LARGE1: variants seen among roughly 807,000 people sequenced by gnomAD.
LARGE1 encodes the protein LARGE xylosyl- and glucuronyltransferase 1, also known as xylosyl- and glucuronyltransferase LARGE1.
A neutral mutation model predicts 87.6 loss-of-function variants in LARGE1; 43 were observed. The ratio of observed to expected loss-of-function variants is 0.49; its 90% CI spans 0.38 to 0.63. The LOEUF is 0.63. Ranked by LOEUF, LARGE1 falls within the 30% of genes least tolerant of loss-of-function variation. The probability of loss-of-function intolerance (pLI) is 0.00; values close to 1 mark genes in which losing one functional copy is unlikely to be tolerated. For missense variants in LARGE1, 802 were observed against 1,000.2 expected (o/e 0.80, Z 2.67); for synonymous variants, 434 against 394.6 (o/e 1.10, Z -1.18).
intron 10 of LARGE1, among the ~76,000 whole-genome samples, chr22:33,329,817 G>A (rs1169967729): frequency 6.6e-6 from 1 of 152,022 alleles, no homozygotes; most frequent in Admixed American, 6.5e-5. Flanking sequence ...TCCTTTAGTT[G>A]GAAATTCCCT....
chr22:33,319,314 G>A (rs1227883751), intron 10 of LARGE1, among the ~76,000 whole-genome samples: 2 of 152,180 alleles, frequency 1.3e-5, no homozygotes, highest in African/African-American at 4.8e-5. Flanking sequence ...TAGCTTGCTG[G>A]AAGATGAGAC....
chr22:33,529,103 T>C (rs2072065102), intron 6 of LARGE1, among the ~76,000 whole-genome samples: 1 of 152,254 alleles, frequency 6.6e-6, no homozygotes, highest in Non-Finnish European at 1.5e-5. Flanking sequence ...TTCCTCAGTA[T>C]CTTTCCTATC....
chr22:33,406,053 A>G (rs1008671294), intron 7 of LARGE1, among the ~76,000 whole-genome samples: 43 of 152,234 alleles, frequency 2.8e-4, no homozygotes, highest in Non-Finnish European at 5.0e-4. Flanking sequence ...AAGAACTTGG[A>G]AACCAGAAAT....
At chr22:33,261,776 T>C (rs888580044) in intron 11 of LARGE1, among the ~76,000 whole-genome samples, 2 of 152,174 alleles carry the variant, frequency 1.3e-5, no homozygotes, top group Admixed American at 6.5e-5. Flanking sequence ...AATAATGCTC[T>C]TTTTGCCTGT....
At chr22:33,101,046 T>C in the LARGE1 span, among the ~76,000 whole-genome samples, 30,777 of 151,970 alleles carry the variant, frequency 0.2, 3,286 homozygotes, top group African/African-American at 0.25. Context: ...GGTTTCTCCA[T>C]GTTGGTCAGG....
intron 6 of LARGE1, among the ~76,000 whole-genome samples, chr22:33,527,776 G>C (rs535089263): frequency 6.6e-6 from 1 of 152,220 alleles, no homozygotes; most frequent in Admixed American, 6.5e-5. Flanking sequence ...AAGAAGGGAG[G>C]GGGAGAAAGG....
In LARGE1 at chr22:33,482,954, G is replaced by T. The variant is rs139760921; in HGVS notation, c.788-50689C>A. On this transcript the variant is annotated intron_variant, in intron 6 of 14. Coordinates refer to ENST00000397394, the MANE Select transcript of LARGE1 (RefSeq NM_133642.5). ...TTCTCTACCTGATGCTGGGAAATCA[G>T]GAAAGCAGAGATTGCATGCGGGATG... Among the ~76,000 whole-genome samples, 223 of 152,274 alleles carry T rather than the reference G, an allele frequency of 1.5e-3. 1 individual carries two copies. The highest frequency in any genetic ancestry group is 1.0e-3 in the South Asian group (5 of 4,818).
intron 6 of LARGE1, among the ~76,000 whole-genome samples, chr22:33,460,874 A>AG (rs761738881): frequency 2.6e-5 from 4 of 152,220 alleles, no homozygotes; most frequent in Non-Finnish European, 5.9e-5. Flanking sequence ...ATCTCCACTG[A>AG]GAATTCTTAA....
intron 6 of LARGE1, among the ~76,000 whole-genome samples, chr22:33,513,880 C>T (rs1167485115): frequency 6.7e-6 from 1 of 148,806 alleles, no homozygotes; most frequent in Non-Finnish European, 1.5e-5. Context: ...TTTTGGTCAA[C>T]AACAGACAGT....
rs527852770 is a variant in LARGE1, at chr22:33,734,428, G to A, written c.106+26943C>T. The stretch of plus-strand genomic sequence containing the variant: ...GGGAGACCATGGGATGGGGGAGCTG[G>A]TGCAGAGGTGAGGGATGACACTGGT... On this transcript the variant is annotated intron_variant, in intron 2 of 14. Transcript: ENST00000397394. Among the ~76,000 whole-genome samples, 43 of 152,310 alleles carry A rather than the reference G, an allele frequency of 2.8e-4. No individual in the cohort carries two copies. In the South Asian group the frequency reaches 8.5e-3, roughly 30 times the overall value.
At chr22:33,511,206 T>C (rs1237238549) in intron 6 of LARGE1, among the ~76,000 whole-genome samples, 1 of 152,208 alleles carries the variant, frequency 6.6e-6, no homozygotes, top group Non-Finnish European at 1.5e-5. Flanking sequence ...CTGCTATTTC[T>C]TTATGTTGCT....
chr22:33,373,241 A>T (rs562398175), intron 9 of LARGE1, among the ~76,000 whole-genome samples: 51 of 152,344 alleles, frequency 3.3e-4, no homozygotes, highest in Non-Finnish European at 6.8e-4. Context: ...TAAAATTTTC[A>T]TCCCCTATGT....
intron 5 of LARGE1, among the ~76,000 whole-genome samples, chr22:33,580,683 A>G (rs1004417816): frequency 6.6e-6 from 1 of 152,246 alleles, no homozygotes; most frequent in African/African-American, 2.4e-5. Context: ...ACTCTGGGAC[A>G]CAATGTACAA....
intron 9 of LARGE1, among the ~76,000 whole-genome samples, chr22:33,340,173 G>T (rs1037948605): frequency 2.6e-5 from 4 of 151,804 alleles, no homozygotes; most frequent in African/African-American, 9.7e-5. Flanking sequence ...TACAGATGGG[G>T]AAGTAGAGGC....
At chr22:33,759,040 G>A (rs1247742841) in intron 2 of LARGE1, among the ~76,000 whole-genome samples, 2 of 152,166 alleles carry the variant, frequency 1.3e-5, no homozygotes, top group Non-Finnish European at 1.5e-5. Flanking sequence ...TGGGGTTGGT[G>A]AGGACAGGAT....
At chr22:33,795,342 T>C (rs1034764986) in intron 1 of LARGE1, among the ~76,000 whole-genome samples, 1 of 152,224 alleles carries the variant, frequency 6.6e-6, no homozygotes, top group African/African-American at 2.4e-5. Context: ...TATGTAGGTT[T>C]ACACAGACGC....
intron 6 of LARGE1, among the ~76,000 whole-genome samples, chr22:33,479,086 T>C (rs2069199834): frequency 6.6e-6 from 1 of 152,152 alleles, no homozygotes; most frequent in South Asian, 2.1e-4. Flanking sequence ...TGAGGCCAAC[T>C]TTCCTCCTGC....
intron 7 of LARGE1, among the ~76,000 whole-genome samples, chr22:33,414,019 T>A (rs966122067): frequency 6.6e-6 from 1 of 152,218 alleles, no homozygotes; most frequent in African/African-American, 2.4e-5. Flanking sequence ...CAGATACTGC[T>A]TTGAGACTCT....
chr22:33,675,751 G>C (rs370972948), intron 2 of LARGE1, among the ~76,000 whole-genome samples: 19 of 152,206 alleles, frequency 1.2e-4, no homozygotes, highest in South Asian at 1.2e-3. Flanking sequence ...CCTCACAAAA[G>C]GCGTTTATGA....
Sources: gnomAD v4.1 joint callset for allele counts (sites outside exome capture counted in the v4.1 genomes callset) on GRCh38, gnomAD v4.1.1 for gene constraint, MANE v1.5 for transcripts, NCBI Gene and HGNC (gene_info 2026-07-23, HGNC 2026-07-21) for gene names.